The following TRPS1 variants were observed in gnomAD, a reference collection of about 807,000 sequenced individuals.
TRPS1 encodes zinc finger transcription factor Trps1.
Under a neutral mutation model 101.2 loss-of-function variants are expected in TRPS1, and 6 were observed. The ratio of observed to expected loss-of-function variants is 0.06; its 90% CI spans 0.03 to 0.12. TRPS1 has a LOEUF of 0.12. TRPS1 is among the 10% of genes least tolerant of loss of function. TRPS1 has a pLI of 1.00. For synonymous variants in TRPS1, 578 were observed against 589.8 expected (o/e 0.98, Z 0.29); for missense variants, 1,363 against 1,567.0 (o/e 0.87, Z 2.20).
intron 4 of TRPS1, among the ~76,000 whole-genome samples, chr8:115,593,147 T>C (rs1817714786): frequency 2.0e-5 from 3 of 152,100 alleles, no homozygotes; most frequent in African/African-American, 7.2e-5. Context: ...AATGGCAACA[T>C]TGTTATAGTT....
chr8:115,643,131 G>A (rs910947614), intron 1 of TRPS1, among the ~76,000 whole-genome samples: 1 of 152,114 alleles, frequency 6.6e-6, no homozygotes, highest in Non-Finnish European at 1.5e-5. Context: ...CCTGAGTCTT[G>A]AGCAATTGGT....
chr8:115,444,773 C>T (rs1371715144), intron 5 of TRPS1, among the ~76,000 whole-genome samples: 2 of 152,144 alleles, frequency 1.3e-5, no homozygotes, highest in African/African-American at 4.8e-5. Flanking sequence ...TTTCATCATT[C>T]AGTGTGACTC....
intron 5 of TRPS1, among the ~76,000 whole-genome samples, chr8:115,422,866 G>A (rs1813101534): frequency 6.6e-6 from 1 of 152,196 alleles, no homozygotes; most frequent in African/African-American, 2.4e-5. Context: ...GTGCCTGAGA[G>A]GGAAGAATTA....
intron 5 of TRPS1, among the ~76,000 whole-genome samples, chr8:115,578,219 G>A (rs1024305459): frequency 7.1e-4 from 108 of 152,058 alleles, no homozygotes; most frequent in African/African-American, 2.5e-3. Flanking sequence ...CATTAAATAT[G>A]TCAATTTACA....
chr8:115,486,552 T>A, intron 5 of TRPS1, among the ~76,000 whole-genome samples: 1 of 152,228 alleles, frequency 6.6e-6, no homozygotes, highest in East Asian at 1.9e-4. Flanking sequence ...GAATTGTGAA[T>A]GCAAAGGCAA....
chr8:115,577,279 T>C (rs1817340470), intron 5 of TRPS1, among the ~76,000 whole-genome samples: 2 of 152,112 alleles, frequency 1.3e-5, no homozygotes, highest in South Asian at 4.1e-4. Context: ...ATTTTTAGAT[T>C]CCATATAGAA....
At chr8:115,639,970 T>C (rs1818858291) in intron 1 of TRPS1, among the ~76,000 whole-genome samples, 7 of 152,304 alleles carry the variant, frequency 4.6e-5, no homozygotes, top group Admixed American at 4.6e-4. Flanking sequence ...CTTAAAGTAG[T>C]CAATACTCAG....
At chr8:115,648,936 G>C (rs991601891) in intron 1 of TRPS1, among the ~76,000 whole-genome samples, 11 of 151,998 alleles carry the variant, frequency 7.2e-5, no homozygotes, top group African/African-American at 1.7e-4. Flanking sequence ...AGTTACCCAG[G>C]AGTATAAATA....
chr8:115,523,983 C>T (rs1436195845), intron 5 of TRPS1, among the ~76,000 whole-genome samples: 3 of 152,110 alleles, frequency 2.0e-5, no homozygotes, highest in South Asian at 4.1e-4. Context: ...TACAATCTAT[C>T]AGGACACTAT....
At chr8:115,531,908 A>G (rs943014396) in intron 5 of TRPS1, among the ~76,000 whole-genome samples, 6 of 152,082 alleles carry the variant, frequency 3.9e-5, no homozygotes, top group Admixed American at 2.0e-4. Flanking sequence ...GAGAAGGTAC[A>G]AGAAAGAATG....
chr8:115,650,788 T>C (rs1318563133), intron 1 of TRPS1, among the ~76,000 whole-genome samples: 1 of 152,208 alleles, frequency 6.6e-6, no homozygotes, highest in Non-Finnish European at 1.5e-5. Context: ...ATTAAAAATA[T>C]TTGAGCAAAG....
rs200328276 is a variant in TRPS1 at position 115,525,027 on chromosome 8, T to G, written c.2700+61974A>C. ...TTTGTTTCTTGTCAGTACATAGAAG[T>G]ACATCTTTTAAAGATAAAAAATGTA... On this transcript the variant is annotated intron_variant, in intron 5 of 6. Coordinates refer to ENST00000395715, the MANE Select transcript of TRPS1 (RefSeq NM_014112.5). Among the ~76,000 whole-genome samples, 3 of 92,266 alleles carry G rather than the reference T, an allele frequency of 3.3e-5. No individual in the cohort carries two copies. In the Admixed American group the frequency reaches 3.5e-4, roughly 11 times the overall value. The allele number at this position is 92,266 out of a possible 152,430, so 60.5% of individuals were successfully genotyped here. A position where few individuals can be genotyped will look rare whatever the true frequency, so the allele number is the denominator to read the frequency against.
chr8:115,519,071 T>C (rs1040437070), intron 5 of TRPS1, among the ~76,000 whole-genome samples: 1 of 151,836 alleles, frequency 6.6e-6, no homozygotes, highest in African/African-American at 2.4e-5. Context: ...ATTTCTTTGA[T>C]GTATTATCCT....
intron 5 of TRPS1, among the ~76,000 whole-genome samples, chr8:115,460,358 T>C (rs1019234748): frequency 2.6e-5 from 4 of 151,988 alleles, no homozygotes; most frequent in Admixed American, 2.0e-4. Flanking sequence ...TTATTTAAAG[T>C]TTAATGAAAA....
At chr8:115,564,301 C>G (rs1817015633) in intron 5 of TRPS1, among the ~76,000 whole-genome samples, 1 of 152,018 alleles carries the variant, frequency 6.6e-6, no homozygotes, top group Non-Finnish European at 1.5e-5. Context: ...TATTTTTTAA[C>G]CCTATATTAA....
intron 5 of TRPS1, among the ~76,000 whole-genome samples, chr8:115,480,730 A>G (rs961109034): frequency 5.3e-5 from 8 of 152,234 alleles, no homozygotes; most frequent in Non-Finnish European, 8.8e-5. Context: ...GTTTTAAAAT[A>G]GAAAGCTTCT....
chr8:115,658,460 T>C (rs899288511), intron 1 of TRPS1, among the ~76,000 whole-genome samples: 1 of 152,162 alleles, frequency 6.6e-6, no homozygotes, highest in African/African-American at 2.4e-5. Context: ...TACAGTATCC[T>C]AGTCCCCCTT....
intron 5 of TRPS1, among the ~76,000 whole-genome samples, chr8:115,562,381 TA>T (rs1463889467): frequency 1.3e-5 from 2 of 152,010 alleles, no homozygotes; most frequent in African/African-American, 2.4e-5. Flanking sequence ...GTTGTTTATT[TA>T]AAAAAACCAC....
At chr8:115,504,774 T>C (rs980523179) in intron 5 of TRPS1, among the ~76,000 whole-genome samples, 1 of 152,222 alleles carries the variant, frequency 6.6e-6, no homozygotes, top group African/African-American at 2.4e-5. Context: ...TTTGAAAATA[T>C]ATGACCTTTT....
Sources: allele counts gnomAD v4.1 joint callset (sites outside exome capture counted in the v4.1 genomes callset), GRCh38; gene constraint gnomAD v4.1.1; transcripts MANE v1.5; gene names NCBI Gene and HGNC (gene_info 2026-07-23, HGNC 2026-07-21).